SOS1: variants seen among roughly 807,000 people sequenced by gnomAD.
SOS1 encodes SOS Ras/Rac guanine nucleotide exchange factor 1, also known as son of sevenless homolog 1.
A neutral mutation model predicts 157.6 loss-of-function variants in SOS1; 25 were observed. That is an observed-to-expected ratio of 0.16 (90% CI 0.12 to 0.22). SOS1 has a LOEUF of 0.22. SOS1 is among the 10% of genes least tolerant of loss of function. The pLI, the probability that SOS1 is intolerant of heterozygous loss-of-function variation, is 1.00. For missense variants in SOS1, 1,237 were observed against 1,599.1 expected (o/e 0.77, Z 3.86); for synonymous variants, 528 against 534.0 (o/e 0.99, Z 0.16).
chr2:38,997,892 A>G (rs1668952556), intron 17 of SOS1, among the ~76,000 whole-genome samples: 1 of 152,204 alleles, frequency 6.6e-6, no homozygotes, highest in African/African-American at 2.4e-5. Context: ...CAGGAAAAAT[A>G]CTAAATTCAG....
chr2:39,112,296 T>C (rs576808371), intron 1 of SOS1, among the ~76,000 whole-genome samples: 1 of 152,302 alleles, frequency 6.6e-6, no homozygotes, highest in African/African-American at 2.4e-5. Context: ...ACTCTGAGTT[T>C]ATGGTCTCCA....
At chr2:39,056,987 CCAA>C (rs1307455032) in intron 3 of SOS1, 121 bp from the exon 4 acceptor site, 6 of 722,336 alleles carry the variant, frequency 8.3e-6, no homozygotes, top group South Asian at 1.6e-5. Flanking sequence ...CCTGTGCTTA[CCAA>C]CAACATTTAA....
chr2:39,002,247 C>T (rs1167388549), intron 17 of SOS1, among the ~76,000 whole-genome samples: 2 of 151,432 alleles, frequency 1.3e-5, no homozygotes, highest in African/African-American at 2.4e-5. Context: ...AACTGCTGAA[C>T]CCGGGAGGCA....
chr2:39,007,394 A>C, intron 15 of SOS1: 4 of 573,846 alleles, frequency 7.0e-6, no homozygotes. Context: ...CGTCTTCTAG[A>C]CTGGTACAGT....
At chr2:38,992,770 T>C (rs911320094) in intron 20 of SOS1, 8 of 152,222 alleles carry the variant, frequency 5.3e-5, no homozygotes, top group Middle Eastern at 3.4e-3. Flanking sequence ...CTGCAAACAG[T>C]TAAATGGGTC....
chr2:39,067,905 G>C (rs1184342757), intron 1 of SOS1, 152 bp from the exon 2 acceptor site: 1 of 691,980 alleles, frequency 1.4e-6, no homozygotes, highest in African/African-American at 1.8e-5. Flanking sequence ...GATCACCTGA[G>C]GTCAGGAGTT....
chr2:39,061,308 A>AG, intron 2 of SOS1, among the ~76,000 whole-genome samples: 2 of 150,746 alleles, frequency 1.3e-5, no homozygotes, highest in South Asian at 4.2e-4. Flanking sequence ...TGAAGGAATT[A>AG]CTTTATTTCT....
intron 2 of SOS1, among the ~76,000 whole-genome samples, chr2:39,064,130 A>G (rs1671507467): frequency 6.6e-6 from 1 of 152,154 alleles, no homozygotes; most frequent in Non-Finnish European, 1.5e-5. Context: ...CAGCCACCAC[A>G]CCGGCCAAAT....
Position 38,996,555 on chromosome 2 carries a change from C to G in SOS1, c.3081+367G>C, listed in dbSNP as rs532937017. Reference sequence around the variant, plus strand: ...ACTTGGTATTTTATGGCTCATGATTCATGGTTGAAAGTTCTAATAAGTCAT... The same window carrying G: ...ACTTGGTATTTTATGGCTCATGATTGATGGTTGAAAGTTCTAATAAGTCAT... On this transcript the variant is annotated intron_variant, in intron 19 of 22. Coordinates refer to ENST00000402219, the MANE Select transcript of SOS1 (RefSeq NM_005633.4). Among the ~76,000 whole-genome samples the G allele has an allele frequency of 3.9e-5, 6 of 152,206 alleles. No homozygotes were observed. The East Asian group carries it at 1.2e-3, about 29-fold the overall frequency.
intron 8 of SOS1, among the ~76,000 whole-genome samples, chr2:39,031,563 C>G (rs866593913): frequency 7.9e-5 from 12 of 152,160 alleles, no homozygotes; most frequent in African/African-American, 2.6e-4. Context: ...AACCCTTTGT[C>G]TACTAAAAAT....
upstream of SOS1, among the ~76,000 whole-genome samples, chr2:39,123,803 C>G (rs562152770): frequency 3.3e-5 from 5 of 152,302 alleles, no homozygotes; most frequent in South Asian, 1.0e-3. Flanking sequence ...ACATAATCAA[C>G]GTTGTTTCCA....
At chr2:39,122,291 A>G (rs1187440010), upstream of SOS1, among the ~76,000 whole-genome samples, 3 of 152,066 alleles carry the variant, frequency 2.0e-5, no homozygotes, top group African/African-American at 4.8e-5. Flanking sequence ...TTAGCCGAGC[A>G]TGGTGGTGGG....
At chr2:39,054,057 A>G (rs1410105956) in intron 5 of SOS1, among the ~76,000 whole-genome samples, 2 of 151,962 alleles carry the variant, frequency 1.3e-5, no homozygotes, top group East Asian at 3.9e-4. Flanking sequence ...CCTCCCGAGT[A>G]GCTGGGATTA....
intron 1 of SOS1, among the ~76,000 whole-genome samples, chr2:39,085,235 T>G (rs892493013): frequency 2.0e-5 from 3 of 152,088 alleles, no homozygotes; most frequent in African/African-American, 7.2e-5. Flanking sequence ...TTTGTAGAAA[T>G]GGGTGTCTCA....
At chr2:39,110,885 C>T (rs1485173242) in intron 1 of SOS1, among the ~76,000 whole-genome samples, 5 of 152,122 alleles carry the variant, frequency 3.3e-5, no homozygotes, top group African/African-American at 1.2e-4. Context: ...TAGATCACTT[C>T]AGGTCAGGAA....
At chr2:39,006,710 ATG>A (rs939333786) in intron 16 of SOS1, among the ~76,000 whole-genome samples, 181 bp from the exon 17 acceptor site, 6 of 151,542 alleles carry the variant, frequency 4.0e-5, no homozygotes, top group African/African-American at 1.2e-4. Context: ...AACTTAAAGT[ATG>A]TGTGTGTGTG....
chr2:39,015,584 A>G (rs1572824224), intron 10 of SOS1, among the ~76,000 whole-genome samples: 1 of 151,992 alleles, frequency 6.6e-6, no homozygotes, highest in Non-Finnish European at 1.5e-5. Flanking sequence ...AAGTAAAACA[A>G]GAGGCTGAGT....
At chr2:39,011,431 T>C (rs1558468525) in intron 14 of SOS1, among the ~76,000 whole-genome samples, 1 of 152,080 alleles carries the variant, frequency 6.6e-6, no homozygotes, top group Non-Finnish European at 1.5e-5. Context: ...CTTTTTTTTT[T>C]CTTTTGGTCT....
At chr2:39,017,835 A>G (rs1403000125) in intron 10 of SOS1, among the ~76,000 whole-genome samples, 2 of 151,978 alleles carry the variant, frequency 1.3e-5, no homozygotes, top group East Asian at 1.9e-4. Flanking sequence ...TTTTATTTCT[A>G]TTGGATTGGT....
Sources: gnomAD v4.1 joint callset for allele counts (sites outside exome capture counted in the v4.1 genomes callset) on GRCh38, gnomAD v4.1.1 for gene constraint, MANE v1.5 for transcripts, NCBI Gene and HGNC (gene_info 2026-07-23, HGNC 2026-07-21) for gene names.